CLK1: variants seen among roughly 807,000 people sequenced by gnomAD.
CLK1 encodes the protein dual specificity protein kinase CLK1.
A neutral mutation model predicts 60.9 loss-of-function variants in CLK1; 40 were observed. The observed-to-expected ratio is 0.66, with a 90% CI of 0.51 to 0.86. CLK1 has a LOEUF of 0.86. CLK1 is among the 40% of genes least tolerant of loss of function. The probability of loss-of-function intolerance (pLI) is 0.00; values close to 1 mark genes in which losing one functional copy is unlikely to be tolerated. For missense variants in CLK1, 563 were observed against 606.1 expected, an observed-to-expected ratio of 0.93 and a Z score of 0.75; for synonymous variants, 203 against 184.4, an observed-to-expected ratio of 1.10 and a Z score of -0.82.
intron 5 of CLK1, 86 bp from the exon 6 acceptor site, chr2:200,858,175 C>A (rs1272614685): frequency 2.3e-6 from 2 of 865,624 alleles, no homozygotes; most frequent in Non-Finnish European, 3.9e-6. Flanking sequence ...TACTACTACT[C>A]TGACCCACTG....
In CLK1 at chr2:200,859,729, A is replaced by T. The variant is rs145427980; in HGVS notation, c.499T>A (p.Leu167Ile). The T allele has an allele frequency of 7.4e-5, 119 of 1,613,448 alleles. No individual in the cohort carries two copies. The highest frequency in any genetic ancestry group is 3.3e-4 in the Middle Eastern group (2 of 6,080). The change falls in exon 5 of 13, where the codon TTA becomes ATA. Residue 167 changes from leucine to isoleucine, a missense_variant. By Grantham distance (5) the Leu-to-Ile change is conservative (BLOSUM62 2). This residue lies in a region of CLK1 where 360 missense variants were observed against 407.0 expected (regional missense o/e 0.88). Coordinates refer to ENST00000321356, the MANE Select transcript of CLK1 (RefSeq NM_004071.4). ...ACTTTTCCAAAAGCTCCTTCACCTA[A>T]AGTATCAACAATTTCATCTAAAAGA... ...LSARYEIVDT[L>I]GEGAFGKVVE...
In CLK1 at chr2:200,857,869, C is replaced by T. The variant is rs2039068996; in HGVS notation, c.681G>A (p.Met227Ile). The T allele has an allele frequency of 2.5e-6, 4 of 1,613,162 alleles. No homozygotes were observed. Among genetic ancestry groups the T allele is most frequent in the East Asian group, 4.5e-5 (2 of 44,856 alleles). Residue 227 changes from methionine to isoleucine, a missense_variant, in exon 7 of 13, where the codon ATG (methionine) becomes ATA (isoleucine). Transcript: ENST00000321356. ...GACCATGATGCTCAAACCATTCCAA[C>T]ATCTGGACACAGCGGCTACAAACAC... The part of the protein sequence containing the change: ...DPNSTFRCVQ[M>I]LEWFEHHGHI...
chr2:200,861,393 C>T lies in CLK1; in HGVS notation c.235G>A (p.Asp79Asn), dbSNP rs748009703. 9 of 1,614,100 alleles carry T rather than the reference C, an allele frequency of 5.6e-6. No individual in the cohort carries two copies. In the South Asian group the frequency reaches 9.9e-5, roughly 18 times the overall value. The change falls in exon 3 of 13, where the codon GAC (aspartate) becomes AAC (asparagine). Residue 79 changes from aspartate (D) to asparagine (N), a missense_variant. This residue lies in a region of CLK1 where 198 missense variants were observed against 179.2 expected (regional missense o/e 1.10). Coordinates refer to ENST00000321356, the MANE Select transcript of CLK1 (RefSeq NM_004071.4). ...SRRYIDEYRN[D>N]YTQGCEPGHR... ...CCAGGTTCACATCCTTGAGTGTAGT[C>T]ATTTCTGTACTCATCAATGTAGCGT...
At chr2:200,854,981 T>C in intron 10 of CLK1, 23 bp downstream of exon 10, 2 of 1,581,482 alleles carry the variant, frequency 1.3e-6, no homozygotes, top group Non-Finnish European at 1.7e-6. Flanking sequence ...AAAGCAAGGT[T>C]GAAATAGATC....
intron 8 of CLK1, 38 bp downstream of exon 8, chr2:200,856,853 A>C: frequency 1.2e-6 from 2 of 1,613,642 alleles, no homozygotes; most frequent in African/African-American, 1.3e-5. Flanking sequence ...TAAGCTATTA[A>C]GGCATAAGAT....
intron 3 of CLK1, chr2:200,860,748 G>C: frequency 1.0e-6 from 1 of 1,002,406 alleles, no homozygotes; most frequent in Non-Finnish European, 1.2e-6. Context: ...CATCTGAGCT[G>C]ATCTCCATAC....
intron 11 of CLK1, 147 bp downstream of exon 11, chr2:200,854,469 G>C (rs756434027): frequency 5.1e-5 from 28 of 548,738 alleles, no homozygotes; most frequent in Non-Finnish European, 8.4e-5. Context: ...CCAGGAGGGA[G>C]AGCTTGCATT....
Position 200,857,803 on chromosome 2 carries a change from G to GT in CLK1, c.746dup (p.Tyr249Ter). 3 of 1,613,552 alleles carry GT rather than the reference G, an allele frequency of 1.9e-6. No homozygotes were observed. The highest frequency in any genetic ancestry group is 1.1e-5 in the South Asian group (1 of 90,990). Reference sequence around the variant, plus strand: ...GAAAACCATTTTCTTTAATGAAGTCGTAAGTACTAAGTCCCAATAGTTCAA... The same window carrying GT: ...GAAAACCATTTTCTTTAATGAAGTCGTTAAGTACTAAGTCCCAATAGTTCAA... Reference protein sequence around the residue: ...IVFELLGLSTYDFIKENGFLP... With the variant: ...IVFELLGLST The change falls in exon 7 of 13, where the codon TAC becomes TAAC. Residue 249 changes from tyrosine (Y) to a stop codon, truncating the protein, a stop_gained and frameshift_variant. Coordinates refer to ENST00000321356, the MANE Select transcript of CLK1 (RefSeq NM_004071.4). LOFTEE classifies it high-confidence loss of function.
rs538158477 is a variant in CLK1 at position 200,856,740 on chromosome 2, G to C, written c.999C>G (p.Asp333Glu). ...TAGATACCAATGTACTGTGATGTTCGTCATCATATGTTGCACTACCAAAGT... is the reference window on the plus strand; with the variant it reads ...TAGATACCAATGTACTGTGATGTTCCTCATCATATGTTGCACTACCAAAGT... Reference protein sequence around the residue: ...VVDFGSATYDDEHHSTLVSTR... With the variant: ...VVDFGSATYDEEHHSTLVSTR... The change falls in exon 9 of 13, where the codon GAC becomes GAG. Residue 333 changes from aspartate to glutamate, a missense_variant. Coordinates refer to ENST00000321356, the MANE Select transcript of CLK1 (RefSeq NM_004071.4). 1 of 1,612,922 alleles carries C rather than the reference G, an allele frequency of 6.2e-7. No individual in the cohort carries two copies. The highest frequency in any genetic ancestry group is 8.5e-7 in the Non-Finnish European group (1 of 1,179,456).
chr2:200,857,347 C>G, intron 7 of CLK1: 1 of 258,186 alleles, frequency 3.9e-6, no homozygotes, highest in Non-Finnish European at 7.4e-6. Flanking sequence ...GATTCCTTTC[C>G]CAAAGAATGG....
At chr2:200,857,132 CCT>C in intron 7 of CLK1, 147 bp from the exon 8 acceptor site, 2 of 635,212 alleles carry the variant, frequency 3.1e-6, no homozygotes, top group East Asian at 2.8e-5. Flanking sequence ...ATGGTGAAAC[CCT>C]GTCTCTACCA....
chr2:200,854,924 G>C (rs1366825742), intron 10 of CLK1, 80 bp downstream of exon 10: 1 of 1,048,542 alleles, frequency 9.5e-7, no homozygotes, highest in East Asian at 2.4e-5. Context: ...GTCTATAATG[G>C]GGGAAGCAAA....
intron 1 of CLK1, chr2:200,864,149 C>T (rs1287978361): frequency 6.4e-7 from 1 of 1,551,414 alleles, no homozygotes; most frequent in South Asian, 1.2e-5. Context: ...CATTCTGGAA[C>T]CCCAGCAAAT....
chr2:200,854,125 T>TA (rs1414585809), intron 11 of CLK1, 132 bp from the exon 12 acceptor site: 2 of 579,038 alleles, frequency 3.5e-6, no homozygotes, highest in African/African-American at 3.9e-5. Context: ...ATAGAAATGT[T>TA]ACCTGCTTTG....
At position 200,859,669 on chromosome 2, in the gene CLK1, G is replaced by A; in HGVS notation, c.548+11C>T. ...ACTTCCCTAAAAGTAATCCCAACAT[G>A]GGAAACTTACGCTTTATGATCGATG... On this transcript the variant is annotated intron_variant, in intron 5 of 12. Coordinates refer to ENST00000321356, the MANE Select transcript of CLK1 (RefSeq NM_004071.4). 2 of 1,608,652 alleles carry A rather than the reference G, an allele frequency of 1.2e-6. No homozygotes were observed. Among genetic ancestry groups the A allele is most frequent in the South Asian group, 1.1e-5 (1 of 90,154 alleles).
At chr2:200,854,975 C>T (rs747231237) in intron 10 of CLK1, 29 bp downstream of exon 10, 7 of 1,547,826 alleles carry the variant, frequency 4.5e-6, no homozygotes, top group South Asian at 2.3e-5. Flanking sequence ...TTGTGCAAAG[C>T]AAGGTTGAAA....
intron 10 of CLK1, 89 bp from the exon 11 acceptor site, chr2:200,854,784 T>C: frequency 1.0e-6 from 1 of 990,718 alleles, no homozygotes. Flanking sequence ...ACATTAAGGC[T>C]TGCAGAACAA....
chr2:200,857,616 T>G, intron 7 of CLK1, 102 bp downstream of exon 7: 1 of 991,258 alleles, frequency 1.0e-6, no homozygotes, highest in Non-Finnish European at 1.4e-6. Context: ...TTCCTCCCCC[T>G]TTATTTTTAA....
At chr2:200,864,168 A>G in intron 1 of CLK1, 1 of 1,551,096 alleles carries the variant, frequency 6.4e-7, no homozygotes. Flanking sequence ...ATCCCCCCTC[A>G]ACGGGGAGCC....
Sources: gnomAD v4.1 joint callset for allele counts on GRCh38, gnomAD v4.1.1 for gene constraint, gnomAD v4.1.1 regional missense constraint, MANE v1.5 for transcripts, NCBI Gene and HGNC (gene_info 2026-07-23, HGNC 2026-07-21) for gene names.